The following CITED2 variants were observed in gnomAD, a reference collection of about 807,000 sequenced individuals.
CITED2 encodes the protein cbp/p300-interacting transactivator 2.
Under a neutral mutation model 11.8 loss-of-function variants are expected in CITED2, and 2 were observed. That is an observed-to-expected ratio of 0.17 (90% CI 0.07 to 0.54). CITED2 has a LOEUF of 0.54. CITED2 is among the 20% of genes least tolerant of loss of function. CITED2 has a pLI of 0.94. For synonymous variants in CITED2, 210 were observed against 153.0 expected, an observed-to-expected ratio of 1.37 and a Z score of -2.75; for missense variants, 437 against 390.2, an observed-to-expected ratio of 1.12 and a Z score of -1.01.
Position 139,373,537 on chromosome 6 carries a change from C to T in CITED2, c.408G>A (p.Pro136=), listed in dbSNP as rs1008223876. ...GGTGGCCTGCAGCAGGGTGCAAATCCGGCATGTAGTGGTTGTGGGGGTAGG... is the reference window on the plus strand; with the variant it reads ...GGTGGCCTGCAGCAGGGTGCAAATCTGGCATGTAGTGGTTGTGGGGGTAGG... ...HHPYPHNHYM[P]DLHPAAGHQM... is the part of the protein sequence containing the mutation. The change falls in exon 2 of 2, where the codon CCG becomes CCA. Residue 136 remains proline (P), a synonymous_variant. Coordinates refer to ENST00000367651, the MANE Select transcript of CITED2 (RefSeq NM_006079.5). 39 of 1,613,876 alleles carry T rather than the reference C, an allele frequency of 2.4e-5. No homozygotes were observed. The highest frequency in any genetic ancestry group is 1.6e-4 in the Middle Eastern group (1 of 6,082).
intron 1 of CITED2, 152 bp from the exon 2 acceptor site, chr6:139,374,104 C>G (rs1202854925): frequency 1.3e-6 from 2 of 1,501,506 alleles, no homozygotes; most frequent in South Asian, 1.3e-5. Flanking sequence ...AGCCTGTGCA[C>G]CCGGGCTAGC....
intron 1 of CITED2, 40 bp from the exon 2 acceptor site, chr6:139,373,992 C>A (rs201745809): frequency 1.3e-6 from 2 of 1,567,208 alleles, no homozygotes; most frequent in African/African-American, 1.3e-5. Context: ...CCGCGCCACA[C>A]GTGTCGCCCA....
Position 139,372,797 on chromosome 6 carries a change from G to A in CITED2, c.*335C>T, listed in dbSNP as rs1300210465. The A allele has an allele frequency of 3.0e-5, 10 of 337,244 alleles. No homozygotes were observed. The highest frequency in any genetic ancestry group is 1.6e-4 in the South Asian group (5 of 31,938). 20.9% of individuals were successfully genotyped at this position (337,244 alleles called of 1,614,324 possible). On this transcript the variant is annotated 3_prime_UTR_variant, in exon 2 of 2. Coordinates refer to ENST00000367651, the MANE Select transcript of CITED2 (RefSeq NM_006079.5). Reference sequence around the variant, plus strand: ...TCTACAAAATCCACAAGATTAAGCAGTTTGCCAAGATTAATATCTAACAGT... The same window carrying A: ...TCTACAAAATCCACAAGATTAAGCAATTTGCCAAGATTAATATCTAACAGT...
chr6:139,374,445 G>A lies in CITED2; in HGVS notation c.-41C>T, dbSNP rs1182682901. On this transcript the variant is annotated 5_prime_UTR_variant, in exon 1 of 2. Coordinates refer to ENST00000367651, the MANE Select transcript of CITED2 (RefSeq NM_006079.5). ...TTTTGCGATTTCTGCTCCGAAGACC[G>A]AGGGCGGGCTCGTCGCGTCCAGGAC... The A allele has an allele frequency of 8.0e-6, 3 of 376,080 alleles. No homozygotes were observed. The highest frequency in any genetic ancestry group is 8.0e-5 in the East Asian group (2 of 24,884). The allele number at this position is 376,080 out of a possible 1,614,324, so 23.3% of individuals were successfully genotyped here.
rs1307799577 is a variant in CITED2, at chr6:139,374,524, C to T, written c.-120G>A. The T allele has an allele frequency of 2.8e-5, 6 of 213,492 alleles. No individual in the cohort carries two copies. Among genetic ancestry groups the T allele is most frequent in the Non-Finnish European group, 3.7e-5 (4 of 107,366 alleles). The allele number at this position is 213,492 out of a possible 1,614,324, so 13.2% of individuals were successfully genotyped here. A position where few individuals can be genotyped will look rare whatever the true frequency, so the allele number is the denominator to read the frequency against. ...CCTGGCGTGCAAAGCGCTTCGCTGTCGCGATGTCGGCGCCGAGGTCTCGCA... is the reference window on the plus strand; with the variant it reads ...CCTGGCGTGCAAAGCGCTTCGCTGTTGCGATGTCGGCGCCGAGGTCTCGCA... On this transcript the variant is annotated 5_prime_UTR_variant, in exon 1 of 2. Transcript: ENST00000367651.
Position 139,374,403 on chromosome 6 carries a change from T to C in CITED2, c.-9+10A>G, listed in dbSNP as rs1268689423. 4 of 448,308 alleles carry C rather than the reference T, an allele frequency of 8.9e-6. No individual in the cohort carries two copies. The highest frequency in any genetic ancestry group is 3.3e-5 in the East Asian group (1 of 30,236). The allele number at this position is 448,308 out of a possible 1,614,324, so 27.8% of individuals were successfully genotyped here. On this transcript the variant is annotated intron_variant, in intron 1 of 1. Transcript: ENST00000367651. ...CAAGAGCCCCAGCCAGCTTCGCCCG[T>C]CGCGCTTACCTTCCGTTTTTGCGAT... is the stretch of plus-strand genomic sequence containing the variant.
intron 1 of CITED2, 159 bp downstream of exon 1, chr6:139,374,254 T>A: frequency 7.5e-7 from 1 of 1,327,448 alleles, no homozygotes; most frequent in Non-Finnish European, 1.0e-6. Flanking sequence ...CCCGTAGCCC[T>A]GCTGCGAACT....
At position 139,372,679 on chromosome 6, in the gene CITED2, C is replaced by T; in HGVS notation, c.*453G>A. On this transcript the variant is annotated 3_prime_UTR_variant, in exon 2 of 2. Coordinates refer to ENST00000367651, the MANE Select transcript of CITED2 (RefSeq NM_006079.5). Reference sequence around the variant, plus strand: ...AAATGAAGCGAGATGGCAGTTTGTGCAGTAATATCTGCCCTTCGAAGTTCA... The same window carrying T: ...AAATGAAGCGAGATGGCAGTTTGTGTAGTAATATCTGCCCTTCGAAGTTCA... 1 of 210,136 alleles carries T rather than the reference C, an allele frequency of 4.8e-6. No homozygotes were observed. The highest frequency in any genetic ancestry group is 1.0e-5 in the Non-Finnish European group (1 of 100,454). 13.0% of individuals were successfully genotyped at this position (210,136 alleles called of 1,614,324 possible). A position where few individuals can be genotyped will look rare whatever the true frequency, so the allele number is the denominator to read the frequency against.
chr6:139,372,783 C>T lies in CITED2; in HGVS notation c.*349G>A, dbSNP rs1266028950. On this transcript the variant is annotated 3_prime_UTR_variant, in exon 2 of 2. Transcript: ENST00000367651. ...GTCATTTGAAACCATCTACAAAATC[C>T]ACAAGATTAAGCAGTTTGCCAAGAT... The T allele has an allele frequency of 1.0e-5, 3 of 294,150 alleles. No homozygotes were observed. Among genetic ancestry groups the T allele is most frequent in the African/African-American group, 4.3e-5 (2 of 46,612 alleles). 18.2% of individuals were successfully genotyped at this position (294,150 alleles called of 1,614,324 possible).
Position 139,374,532 on chromosome 6 carries a change from C to G in CITED2, c.-128G>C. ...GCAAAGCGCTTCGCTGTCGCGATGT[C>G]GGCGCCGAGGTCTCGCAGCGGCCGC... On this transcript the variant is annotated 5_prime_UTR_variant, in exon 1 of 2. Transcript: ENST00000367651. 4.8e-6 allele frequency: 1 copy of G among 206,852 alleles called. No individual in the cohort carries two copies. The highest frequency in any genetic ancestry group is 9.7e-6 in the Non-Finnish European group (1 of 103,162). The allele number at this position is 206,852 out of a possible 1,614,324, so 12.8% of individuals were successfully genotyped here. A position where few individuals can be genotyped will look rare whatever the true frequency, so the allele number is the denominator to read the frequency against.
At position 139,373,398 on chromosome 6, in the gene CITED2, A is replaced by T. The variant is rs1778296312; in HGVS notation, c.547T>A (p.Ser183Thr). Residue 183 changes from serine to threonine, a missense_variant, in exon 2 of 2, where the codon TCG becomes ACG. Physicochemically the swap from Ser to Thr is moderately conservative, Grantham distance 58 (BLOSUM62 1). Transcript: ENST00000367651. ...TTGCTGCTGCCCGCGCCGCCGCCCG[A>T]GCTGCTGCCAGAGCCGCCGGGGGTG... ...SSTPGGSGSS[S>T]GGGAGSSNSG... 1.3e-6 allele frequency: 2 copies of T among 1,562,670 alleles called. No individual in the cohort carries two copies. The highest frequency in any genetic ancestry group is 1.7e-6 in the Non-Finnish European group (2 of 1,158,084).
At position 139,373,479 on chromosome 6, in the gene CITED2, A is replaced by G. The variant is rs777012452; in HGVS notation, c.466T>C (p.Cys156Arg). 2.3e-5 allele frequency: 37 copies of G among 1,604,340 alleles called. No homozygotes were observed. The highest frequency in any genetic ancestry group is 2.8e-5 in the Non-Finnish European group (33 of 1,174,516). The change falls in exon 2 of 2, where the codon TGC becomes CGC. Residue 156 changes from cysteine (C) to arginine (R), a missense_variant. By Grantham distance (180) the Cys-to-Arg change is radical. Coordinates refer to ENST00000367651, the MANE Select transcript of CITED2 (RefSeq NM_006079.5). ...CTGCCGCCGCTGTGCTTGGGGTTGC[A>G]ATCTCGGAAGTGCTGGTTTGTCCCG... Reference protein sequence around the residue: ...MNGTNQHFRDCNPKHSGGSST... With the variant: ...MNGTNQHFRDRNPKHSGGSST...
In CITED2 at chr6:139,373,416, CG is replaced by C; in HGVS notation, c.528del (p.Gly177AlafsTer42). On this transcript the variant is annotated frameshift_variant, in exon 2 of 2. Coordinates refer to ENST00000367651, the MANE Select transcript of CITED2 (RefSeq NM_006079.5). LOFTEE classifies it high-confidence loss of function. Reference protein sequence around the residue: ...TPGGSGGSSTPGGSGSSSGGG... With the variant: ...TPGGSGGSSTXGGSGSSSGGG... The stretch of plus-strand genomic sequence containing the variant: ...CCGCCCGAGCTGCTGCCAGAGCCGC[CG>C]GGGGTGCTGCTGCCGCCCGAGCCGC... The C allele has an allele frequency of 1.9e-6, 3 of 1,540,134 alleles. No homozygotes were observed. Among genetic ancestry groups the C allele is most frequent in the Non-Finnish European group, 1.7e-6 (2 of 1,149,004 alleles).
Position 139,373,648 on chromosome 6 carries a change from C to T in CITED2, c.297G>A (p.Met99Ile), listed in dbSNP as rs754592663. 2.2e-5 allele frequency: 36 copies of T among 1,613,624 alleles called. No individual in the cohort carries two copies. Among genetic ancestry groups the T allele is most frequent in the Non-Finnish European group, 3.0e-5 (35 of 1,179,866 alleles). Reference protein sequence around the residue: ...PAARFNNSQFMGPPVASQGGS... With the variant: ...PAARFNNSQFIGPPVASQGGS... The stretch of plus-strand genomic sequence containing the variant: ...CTCCCTGGCTGGCCACCGGGGGACC[C>T]ATGAACTGGGAGTTGTTAAACCTGG... The change falls in exon 2 of 2, where the codon ATG (methionine) becomes ATA (isoleucine). Residue 99 changes from methionine (M) to isoleucine (I), a missense_variant. Met to Ile is a conservative substitution (Grantham distance 10). Around this residue, in one of 3 missense-constraint regions of CITED2, gnomAD observed 396 missense variants for 325.2 expected, o/e 1.22. Coordinates refer to ENST00000367651, the MANE Select transcript of CITED2 (RefSeq NM_006079.5).
chr6:139,374,447 G>A lies in CITED2; in HGVS notation c.-43C>T, dbSNP rs533955496. Reference sequence around the variant, plus strand: ...TTGCGATTTCTGCTCCGAAGACCGAGGGCGGGCTCGTCGCGTCCAGGACCG... The same window carrying A: ...TTGCGATTTCTGCTCCGAAGACCGAAGGCGGGCTCGTCGCGTCCAGGACCG... On this transcript the variant is annotated 5_prime_UTR_variant, in exon 1 of 2. Coordinates refer to ENST00000367651, the MANE Select transcript of CITED2 (RefSeq NM_006079.5). 172 of 369,632 alleles carry A rather than the reference G, an allele frequency of 4.7e-4. 3 individuals are homozygous for A. In the South Asian group the frequency reaches 9.7e-3, roughly 21 times the overall value. 22.9% of individuals were successfully genotyped at this position (369,632 alleles called of 1,614,324 possible).
chr6:139,373,304 G>C lies in CITED2; in HGVS notation c.641C>G (p.Pro214Arg). 6.2e-7 allele frequency: 1 copy of C among 1,613,660 alleles called. No homozygotes were observed. Among genetic ancestry groups the C allele is most frequent in the Non-Finnish European group, 8.5e-7 (1 of 1,179,996 alleles). The change falls in exon 2 of 2, where the codon CCG becomes CGG. Residue 214 changes from proline to arginine, a missense_variant. Coordinates refer to ENST00000367651, the MANE Select transcript of CITED2 (RefSeq NM_006079.5). ...SVAHVPAAML[P>R]PNVIDTDFID... Reference sequence around the variant, plus strand: ...GAAATCAGTGTCTATGACATTGGGCGGCAGCATTGCAGCGGGGACGTGGGC... The same window carrying C: ...GAAATCAGTGTCTATGACATTGGGCCGCAGCATTGCAGCGGGGACGTGGGC...
chr6:139,373,309 C>T lies in CITED2; in HGVS notation c.636G>A (p.Met212Ile). ...PASVAHVPAA[M>I]LPPNVIDTDF... ...CAGTGTCTATGACATTGGGCGGCAG[C>T]ATTGCAGCGGGGACGTGGGCCACGG... The change falls in exon 2 of 2, where the codon ATG becomes ATA. Residue 212 changes from methionine to isoleucine, a missense_variant. Coordinates refer to ENST00000367651, the MANE Select transcript of CITED2 (RefSeq NM_006079.5). 1 of 1,613,468 alleles carries T rather than the reference C, an allele frequency of 6.2e-7. No individual in the cohort carries two copies. Among genetic ancestry groups the T allele is most frequent in the Non-Finnish European group, 8.5e-7 (1 of 1,179,954 alleles).
At position 139,373,321 on chromosome 6, in the gene CITED2, G is replaced by C. The variant is rs764272602; in HGVS notation, c.624C>G (p.Val208=). Residue 208 remains valine, a synonymous_variant, in exon 2 of 2, where the codon GTC becomes GTG. Coordinates refer to ENST00000367651, the MANE Select transcript of CITED2 (RefSeq NM_006079.5). ...CATTGGGCGGCAGCATTGCAGCGGG[G>C]ACGTGGGCCACGGAGGCGGGCATGT... is the stretch of plus-strand genomic sequence containing the variant. ...SGNMPASVAH[V]PAAMLPPNVI... 6.2e-7 allele frequency: 1 copy of C among 1,612,344 alleles called. No individual in the cohort carries two copies. Among genetic ancestry groups the C allele is most frequent in the Non-Finnish European group, 8.5e-7 (1 of 1,179,554 alleles).
Position 139,373,538 on chromosome 6 carries a change from G to C in CITED2, c.407C>G (p.Pro136Arg), listed in dbSNP as rs1340441510. 1.2e-6 allele frequency: 2 copies of C among 1,613,948 alleles called. No homozygotes were observed. Among genetic ancestry groups the C allele is most frequent in the Admixed American group, 1.7e-5 (1 of 60,000 alleles). The change falls in exon 2 of 2, where the codon CCG (proline) becomes CGG (arginine). Residue 136 changes from proline to arginine, a missense_variant. Coordinates refer to ENST00000367651, the MANE Select transcript of CITED2 (RefSeq NM_006079.5). ...GTGGCCTGCAGCAGGGTGCAAATCC[G>C]GCATGTAGTGGTTGTGGGGGTAGGG... ...HHPYPHNHYM[P>R]DLHPAAGHQM...
Sources: gnomAD v4.1 joint callset for allele counts on GRCh38, gnomAD v4.1.1 for gene constraint, gnomAD v4.1.1 regional missense constraint, MANE v1.5 for transcripts, NCBI Gene and HGNC (gene_info 2026-07-23, HGNC 2026-07-21) for gene names.